The following DCPS variants were observed in gnomAD, a reference collection of about 807,000 sequenced individuals.
DCPS encodes the protein decapping enzyme, scavenger.
In DCPS, 27 loss-of-function variants were observed where a neutral mutation model predicts 34.7. That is an observed-to-expected ratio of 0.78 (90% CI 0.57 to 1.07). DCPS has a LOEUF of 1.07. Ranked by LOEUF, DCPS falls within the 50% of genes least tolerant of loss-of-function variation. DCPS has a pLI of 0.00. For missense variants in DCPS, 464 were observed against 436.9 expected (o/e 1.06, Z -0.55); for synonymous variants, 185 against 185.7 (o/e 1.00, Z 0.03).
At position 126,345,295 on chromosome 11, in the gene DCPS, C is replaced by T. The variant is rs371492107; in HGVS notation, c.748-52C>T. ...GAGGGTCTAGGTGGGGACATGGCGC[C>T]GGGCCTCAGGCAGCACGGTGACTCC... On this transcript the variant is annotated intron_variant, in intron 5 of 5. Transcript: ENST00000263579. The surrounding 1 kb of genome is among the most constrained non-coding windows in gnomAD (Gnocchi z 7.4). 2.3e-5 allele frequency: 37 copies of T among 1,601,722 alleles called. No homozygotes were observed. Among genetic ancestry groups the T allele is most frequent in the South Asian group, 4.5e-5 (4 of 89,746 alleles).
chr11:126,306,642 G>T lies in DCPS; in HGVS notation c.274G>T (p.Glu92Ter), dbSNP rs1279077524. The T allele has an allele frequency of 6.2e-7, 1 of 1,613,950 alleles. No homozygotes were observed. Reference protein sequence around the residue: ...VILEKTPFQVEQVAQLLTGSP... With the variant: ...VILEKTPFQV ...CCTGGAGAAGACGCCATTTCAGGTGGAACAGGTGGCTCAGCTCCTGACGGG... is the reference window on the plus strand; with the variant it reads ...CCTGGAGAAGACGCCATTTCAGGTGTAACAGGTGGCTCAGCTCCTGACGGG... Residue 92 changes from glutamate (E) to a stop codon, truncating the protein, a stop_gained, in exon 2 of 6, where the codon GAA (glutamate) becomes TAA (stop). Transcript: ENST00000263579. LOFTEE classifies it high-confidence loss of function.
chr11:126,321,886 T>C (rs1049903411), intron 2 of DCPS, among the ~76,000 whole-genome samples: 1 of 152,064 alleles, frequency 6.6e-6, no homozygotes, highest in African/African-American at 2.4e-5. Flanking sequence ...GAGTAGAAGA[T>C]GAAGTTGTGA....
chr11:126,331,573 C>CGCAGA lies in DCPS; in HGVS notation c.522+27_522+31dup, dbSNP rs1951794231. On this transcript the variant is annotated intron_variant, in intron 3 of 5. Transcript: ENST00000263579. This position sits in a 1 kb window ranked among gnomAD's most constrained non-coding sequence, Gnocchi z 7.2. The stretch of plus-strand genomic sequence containing the variant: ...CAGGTGACTGGCTGCATGTCTCAGA[C>CGCAGA]GCAGAGCACTGCTCCCGTGGCTGGT... 6.2e-7 allele frequency: 1 copy of CGCAGA among 1,611,884 alleles called. No individual in the cohort carries two copies. The highest frequency in any genetic ancestry group is 1.1e-5 in the South Asian group (1 of 90,942).
At position 126,329,247 on chromosome 11, in the gene DCPS, G is replaced by C. The variant is rs1951764213; in HGVS notation, c.377-2158G>C. Among the ~76,000 whole-genome samples the C allele has an allele frequency of 6.6e-6, 1 of 152,220 alleles. No individual in the cohort carries two copies. Among genetic ancestry groups the C allele is most frequent in the Admixed American group, 6.5e-5 (1 of 15,282 alleles). ...GTCTTTTGCTGCTCCTCAGAGAGTT[G>C]TGAGGAGGCCTTCATGCCCCTTTTT... On this transcript the variant is annotated intron_variant, in intron 2 of 5. Transcript: ENST00000263579. The surrounding 1 kb of genome is among the most constrained non-coding windows in gnomAD (Gnocchi z 5.0).
At chr11:126,310,730 A>C (rs530646843) in intron 2 of DCPS, among the ~76,000 whole-genome samples, 4 of 152,382 alleles carry the variant, frequency 2.6e-5, no homozygotes, top group African/African-American at 9.6e-5. Context: ...TGGGAAGGCC[A>C]GCTAAGTCAG....
Position 126,327,509 on chromosome 11 carries a change from C to G in DCPS, c.377-3896C>G, listed in dbSNP as rs645852. Reference sequence around the variant, plus strand: ...TATGGGAGATATTTTTGAGACTGTGCCTGTGTATCGTGTTTCCCAACGTGT... The same window carrying G: ...TATGGGAGATATTTTTGAGACTGTGGCTGTGTATCGTGTTTCCCAACGTGT... On this transcript the variant is annotated intron_variant, in intron 2 of 5. Coordinates refer to ENST00000263579, the MANE Select transcript of DCPS (RefSeq NM_014026.6). This position sits in a 1 kb window ranked among gnomAD's most constrained non-coding sequence, Gnocchi z 4.1. Among the ~76,000 whole-genome samples the G allele has an allele frequency of 0.24, 37,027 of 151,968 alleles. 4,536 individuals are homozygous for G. The highest frequency in any genetic ancestry group is 0.26 in the Admixed American group (4,009 of 15,254).
Position 126,344,718 on chromosome 11 carries a change from A to G in DCPS, c.748-629A>G, listed in dbSNP as rs1357881801. Among the ~76,000 whole-genome samples, 1 of 152,178 alleles carries G rather than the reference A, an allele frequency of 6.6e-6. No individual in the cohort carries two copies. Among genetic ancestry groups the G allele is most frequent in the Non-Finnish European group, 1.5e-5 (1 of 68,024 alleles). ...GTTGGTAGAAAAAGACCCACCCCTG[A>G]GCAAGGTGGAGGTGGGCAAAGGGAG... On this transcript the variant is annotated intron_variant, in intron 5 of 5. Coordinates refer to ENST00000263579, the MANE Select transcript of DCPS (RefSeq NM_014026.6). The surrounding 1 kb of genome is among the most constrained non-coding windows in gnomAD (Gnocchi z 8.1).
rs1277067991 is a variant in DCPS, at chr11:126,319,990, G to A, written c.377-11415G>A. Among the ~76,000 whole-genome samples, 1 of 137,430 alleles carries A rather than the reference G, an allele frequency of 7.3e-6. No individual in the cohort carries two copies. Among genetic ancestry groups the A allele is most frequent in the African/African-American group, 2.8e-5 (1 of 36,326 alleles). The allele number at this position is 137,430 out of a possible 152,430, so 90.2% of individuals were successfully genotyped here. The stretch of plus-strand genomic sequence containing the variant: ...GATTGATCTCTCTTAACATCTCAGA[G>A]TATGTCCTTTCAGATTTTTTTTTTT... On this transcript the variant is annotated intron_variant, in intron 2 of 5. Transcript: ENST00000263579. This position sits in a 1 kb window ranked among gnomAD's most constrained non-coding sequence, Gnocchi z 4.5.
chr11:126,331,369 T>G lies in DCPS; in HGVS notation c.377-36T>G. ...TGCCTGTGGCATAGAGAGTGGGCAT[T>G]GCTTCCCTGTCACGGGCTGTGCTGT... On this transcript the variant is annotated intron_variant, in intron 2 of 5. Coordinates refer to ENST00000263579, the MANE Select transcript of DCPS (RefSeq NM_014026.6). This position sits in a 1 kb window ranked among gnomAD's most constrained non-coding sequence, Gnocchi z 7.2. 1 of 1,610,202 alleles carries G rather than the reference T, an allele frequency of 6.2e-7. No homozygotes were observed. Among genetic ancestry groups the G allele is most frequent in the Non-Finnish European group, 8.5e-7 (1 of 1,177,722 alleles).
In DCPS at chr11:126,348,429, G is replaced by A. The variant is rs899377408; in HGVS notation, c.*2816G>A. ...CAAGCCTCTGCTAGAGGCCTGGCAA[G>A]GGTTCCCCTTCAGAGCCAGCCAGTG... On this transcript the variant is annotated 3_prime_UTR_variant, in exon 6 of 6. Coordinates refer to ENST00000263579, the MANE Select transcript of DCPS (RefSeq NM_014026.6). This position sits in a 1 kb window ranked among gnomAD's most constrained non-coding sequence, Gnocchi z 5.3. Among the ~76,000 whole-genome samples, 2 of 152,248 alleles carry A rather than the reference G, an allele frequency of 1.3e-5. No individual in the cohort carries two copies. The highest frequency in any genetic ancestry group is 1.9e-4 in the East Asian group (1 of 5,198).
At chr11:126,310,246 C>G (rs1358193298) in intron 2 of DCPS, among the ~76,000 whole-genome samples, 1 of 152,220 alleles carries the variant, frequency 6.6e-6, no homozygotes, top group Non-Finnish European at 1.5e-5. Context: ...TTTCTCCATC[C>G]TTGACCTCTC....
At position 126,349,499 on chromosome 11, in the gene DCPS, G is replaced by T. The variant is rs1951970785; in HGVS notation, c.*3886G>T. On this transcript the variant is annotated 3_prime_UTR_variant, in exon 6 of 6. Coordinates refer to ENST00000263579, the MANE Select transcript of DCPS (RefSeq NM_014026.6). The surrounding 1 kb of genome is among the most constrained non-coding windows in gnomAD (Gnocchi z 5.4). ...CAAACTTTCCTAATAGAGCAAAATT[G>T]CTGAGTGGTCTCTATTTACCAACAT... 6.6e-6 allele frequency among the ~76,000 whole-genome samples: 1 copy of T among 152,212 alleles called. No individual in the cohort carries two copies. Among genetic ancestry groups the T allele is most frequent in the Non-Finnish European group, 1.5e-5 (1 of 68,042 alleles).
rs1002124192 is a variant in DCPS at position 126,338,003 on chromosome 11, A to G, written c.523-283A>G. On this transcript the variant is annotated intron_variant, in intron 3 of 5. Transcript: ENST00000263579. The surrounding 1 kb of genome is among the most constrained non-coding windows in gnomAD (Gnocchi z 5.4). ...GAGGCCTCCGCAGAGCATGTGCACT[A>G]TGCTGACCAGGAAGAGCCTGGCCCC... 1.5e-5 allele frequency: 7 copies of G among 455,258 alleles called. No individual in the cohort carries two copies. In the Admixed American group the frequency reaches 2.1e-4, roughly 13 times the overall value. 28.2% of individuals were successfully genotyped at this position (455,258 alleles called of 1,614,324 possible). A position where few individuals can be genotyped will look rare whatever the true frequency, so the allele number is the denominator to read the frequency against.
In DCPS at chr11:126,346,285, A is replaced by G. The variant is rs1951928323; in HGVS notation, c.*672A>G. Reference sequence around the variant, plus strand: ...TTTGGTCAGCGAGTCCCCAGCCTTGAGTTTTTATCTCGGCAGGAAGACAAA... The same window carrying G: ...TTTGGTCAGCGAGTCCCCAGCCTTGGGTTTTTATCTCGGCAGGAAGACAAA... On this transcript the variant is annotated 3_prime_UTR_variant, in exon 6 of 6. Transcript: ENST00000263579. The surrounding 1 kb of genome is among the most constrained non-coding windows in gnomAD (Gnocchi z 4.1). 6.6e-6 allele frequency among the ~76,000 whole-genome samples: 1 copy of G among 152,148 alleles called. No individual in the cohort carries two copies. Among genetic ancestry groups the G allele is most frequent in the South Asian group, 2.1e-4 (1 of 4,832 alleles).
Position 126,322,161 on chromosome 11 carries a change from A to G in DCPS, c.377-9244A>G, listed in dbSNP as rs190299699. Among the ~76,000 whole-genome samples the G allele has an allele frequency of 6.6e-6, 1 of 152,226 alleles. No homozygotes were observed. The highest frequency in any genetic ancestry group is 1.5e-5 in the Non-Finnish European group (1 of 68,044). Reference sequence around the variant, plus strand: ...GATAAAACCACTTTGAGATCCAACCACACCATCAGGGCATTGGAGACAGAA... The same window carrying G: ...GATAAAACCACTTTGAGATCCAACCGCACCATCAGGGCATTGGAGACAGAA... On this transcript the variant is annotated intron_variant, in intron 2 of 5. Coordinates refer to ENST00000263579, the MANE Select transcript of DCPS (RefSeq NM_014026.6). This position sits in a 1 kb window ranked among gnomAD's most constrained non-coding sequence, Gnocchi z 4.2.
Position 126,346,204 on chromosome 11 carries a change from C to A in DCPS, c.*591C>A, listed in dbSNP as rs555453040. Among the ~76,000 whole-genome samples, 1 of 152,118 alleles carries A rather than the reference C, an allele frequency of 6.6e-6. No homozygotes were observed. The highest frequency in any genetic ancestry group is 1.5e-5 in the Non-Finnish European group (1 of 68,028). On this transcript the variant is annotated 3_prime_UTR_variant, in exon 6 of 6. Coordinates refer to ENST00000263579, the MANE Select transcript of DCPS (RefSeq NM_014026.6). The surrounding 1 kb of genome is among the most constrained non-coding windows in gnomAD (Gnocchi z 4.1). ...TAGGGGCTTGGTGCCTGGAAATCGG[C>A]GGGTTTTAATAAGAATCAGATTATG...
rs1307550474 is a variant in DCPS at position 126,327,511 on chromosome 11, T to C, written c.377-3894T>C. ...TGGGAGATATTTTTGAGACTGTGCCTGTGTATCGTGTTTCCCAACGTGTTT... is the reference window on the plus strand; with the variant it reads ...TGGGAGATATTTTTGAGACTGTGCCCGTGTATCGTGTTTCCCAACGTGTTT... On this transcript the variant is annotated intron_variant, in intron 2 of 5. Coordinates refer to ENST00000263579, the MANE Select transcript of DCPS (RefSeq NM_014026.6). This position sits in a 1 kb window ranked among gnomAD's most constrained non-coding sequence, Gnocchi z 4.1. Among the ~76,000 whole-genome samples the C allele has an allele frequency of 6.6e-6, 1 of 152,230 alleles. No individual in the cohort carries two copies. The highest frequency in any genetic ancestry group is 2.4e-5 in the African/African-American group (1 of 41,450).
At position 126,312,066 on chromosome 11, in the gene DCPS, G is replaced by T. The variant is rs1444770236; in HGVS notation, c.376+5322G>T. ...CAGCCTCAGCCTCCCGAGTAGCTGG[G>T]ATTACAGGCATCCTCCACCATGCCT... On this transcript the variant is annotated intron_variant, in intron 2 of 5. Transcript: ENST00000263579. The surrounding 1 kb of genome is among the most constrained non-coding windows in gnomAD (Gnocchi z 5.1). 1.3e-5 allele frequency among the ~76,000 whole-genome samples: 2 copies of T among 152,048 alleles called. No individual in the cohort carries two copies. The highest frequency in any genetic ancestry group is 4.8e-5 in the African/African-American group (2 of 41,394).
intron 4 of DCPS, among the ~76,000 whole-genome samples, chr11:126,343,067 CAA>C (rs34804017): frequency 0.24 from 24,961 of 102,306 alleles, 3,009 homozygotes; most frequent in East Asian, 0.66. Context: ...GAGACTCTGT[CAA>C]AAAAAAAAAA....
Sources: allele counts gnomAD v4.1 joint callset (sites outside exome capture counted in the v4.1 genomes callset), GRCh38; gene constraint gnomAD v4.1.1; non-coding constraint Gnocchi (gnomAD v3.1); transcripts MANE v1.5; gene names NCBI Gene and HGNC (gene_info 2026-07-23, HGNC 2026-07-21).